Variants in ZEB1 observed in about 807,000 individuals in gnomAD.
The protein encoded by ZEB1 is zinc finger E-box binding homeobox 1.
A neutral mutation model predicts 84.9 loss-of-function variants in ZEB1; 21 were observed. The observed-to-expected ratio is 0.25, with a 90% CI of 0.18 to 0.36. The LOEUF (loss-of-function observed/expected upper bound fraction) is 0.36. ZEB1 is among the 10% of genes least tolerant of loss of function. The pLI is 1.00. For synonymous variants in ZEB1, 420 were observed against 471.1 expected (o/e 0.89, Z 1.41); for missense variants, 1,104 against 1,330.2 (o/e 0.83, Z 2.65).
At chr10:31,387,385 C>A in intron 1 of ZEB1, 1 of 834,206 alleles carries the variant, frequency 1.2e-6, no homozygotes, top group Non-Finnish European at 1.4e-6. Context: ...GGAGGCCCTA[C>A]CTGTGGGTAG....
intron 1 of ZEB1, among the ~76,000 whole-genome samples, chr10:31,452,596 T>G (rs2060693686): frequency 6.6e-6 from 1 of 152,158 alleles, no homozygotes; most frequent in South Asian, 2.1e-4. Context: ...TTGACTTGTT[T>G]CTTCACTGAG....
chr10:31,482,085 G>A (rs2065117378), intron 2 of ZEB1, among the ~76,000 whole-genome samples: 1 of 152,020 alleles, frequency 6.6e-6, no homozygotes, highest in Non-Finnish European at 1.5e-5. Context: ...CACAACTGGT[G>A]TGGAAAAATA....
chr10:31,452,492 C>G (rs1351181339), intron 1 of ZEB1, among the ~76,000 whole-genome samples: 1 of 152,006 alleles, frequency 6.6e-6, no homozygotes, highest in Non-Finnish European at 1.5e-5. Flanking sequence ...ACCACATGAC[C>G]TCTCCATTCC....
chr10:31,495,151 C>T (rs990075019), intron 2 of ZEB1, among the ~76,000 whole-genome samples: 1 of 151,948 alleles, frequency 6.6e-6, no homozygotes, highest in Admixed American at 6.6e-5. Context: ...AACGGCATGT[C>T]TTTGGGCAAG....
At chr10:31,448,030 C>T in intron 1 of ZEB1, among the ~76,000 whole-genome samples, 7 of 148,412 alleles carry the variant, frequency 4.7e-5, no homozygotes, top group African/African-American at 1.3e-4. Flanking sequence ...TTCCATTCTC[C>T]CCATCACTTT....
rs188000651 is a variant in ZEB1, at chr10:31,499,875, C to A, written c.323-2473C>A. ...AAGATTAAGATTATGTAGATCGAAT[C>A]TAATTTGTATGTTAAAAAAATCTTT... On this transcript the variant is annotated intron_variant, in intron 3 of 8. Transcript: ENST00000424869. Among the ~76,000 whole-genome samples, 7 of 151,996 alleles carry A rather than the reference C, an allele frequency of 4.6e-5. No individual in the cohort carries two copies. The East Asian group carries it at 1.4e-3, about 29-fold the overall frequency.
In ZEB1 at chr10:31,521,491, A is replaced by G. The variant is rs1437280030; in HGVS notation, c.2159A>G (p.Tyr720Cys). ...TCCTCATCCAGAAATACACAGGGTT[A>G]CTTGTACACAGCTGAGGGTGCACAA... ...NLSSSRNTQG[Y>C]LYTAEGAQEE... Residue 720 changes from tyrosine to cysteine, a missense_variant, in exon 7 of 9, where the codon TAC becomes TGC. Physicochemically the swap from Tyr to Cys is radical, Grantham distance 194. This residue lies in a region of ZEB1 where 531 missense variants were observed against 575.2 expected (regional missense o/e 0.92). Coordinates refer to ENST00000424869, the MANE Select transcript of ZEB1 (RefSeq NM_001174096.2). 7.4e-6 allele frequency: 12 copies of G among 1,614,136 alleles called. No individual in the cohort carries two copies. Among genetic ancestry groups the G allele is most frequent in the Non-Finnish European group, 1.0e-5 (12 of 1,180,020 alleles).
Position 31,349,165 on chromosome 10 carries a change from T to C in ZEB1, c.58+29873T>C, listed in dbSNP as rs544506573. 1.1e-4 allele frequency among the ~76,000 whole-genome samples: 17 copies of C among 152,334 alleles called. No homozygotes were observed. In the East Asian group the frequency reaches 1.9e-3, roughly 17 times the overall value. ...TAGATTCCACGTATAAGTGAGATCA[T>C]TGGCATTTCTCTTTCTGTGCCTTAG... On this transcript the variant is annotated intron_variant, in intron 1 of 8. Coordinates refer to ENST00000424869, the MANE Select transcript of ZEB1 (RefSeq NM_001174096.2).
At chr10:31,389,089 G>A (rs1490405879) in intron 1 of ZEB1, among the ~76,000 whole-genome samples, 1 of 152,008 alleles carries the variant, frequency 6.6e-6, no homozygotes, top group Non-Finnish European at 1.5e-5. Context: ...GATCAGTTTT[G>A]TAGGATGTAT....
chr10:31,514,677 T>C lies in ZEB1; in HGVS notation c.762T>C (p.His254=), dbSNP rs1233436369. 1 of 1,612,574 alleles carries C rather than the reference T, an allele frequency of 6.2e-7. No homozygotes were observed. Among genetic ancestry groups the C allele is most frequent in the Non-Finnish European group, 8.5e-7 (1 of 1,179,032 alleles). ...GTGGAAAAGCTTTCAAATACAAACA[T>C]CACCTAAAAGAGCACTTAAGAATTC... is the stretch of plus-strand genomic sequence containing the variant. ...TECGKAFKYK[H]HLKEHLRIHS... is the part of the protein sequence containing the mutation. The change falls in exon 6 of 9, where the codon CAT becomes CAC. Residue 254 remains histidine (H), a synonymous_variant. Coordinates refer to ENST00000424869, the MANE Select transcript of ZEB1 (RefSeq NM_001174096.2).
At chr10:31,347,094 G>A (rs996695162) in intron 1 of ZEB1, among the ~76,000 whole-genome samples, 1 of 152,066 alleles carries the variant, frequency 6.6e-6, no homozygotes, top group Non-Finnish European at 1.5e-5. Context: ...GTGGTGGGGA[G>A]GTGTTAGGAA....
intron 1 of ZEB1, among the ~76,000 whole-genome samples, chr10:31,458,336 T>TGTTGTG (rs1554882634): frequency 2.0e-5 from 2 of 102,264 alleles, no homozygotes; most frequent in African/African-American, 1.7e-4. Flanking sequence ...TGTGTGTGTG[T>TGTTGTG]TGTGTGTGTG....
chr10:31,343,857 T>C (rs1452425935), intron 1 of ZEB1, among the ~76,000 whole-genome samples: 2 of 152,124 alleles, frequency 1.3e-5, no homozygotes, highest in African/African-American at 2.4e-5. Context: ...TAAACTCAAA[T>C]GCCTGTCAAA....
At chr10:31,480,645 G>T (rs1211261039) in intron 2 of ZEB1, among the ~76,000 whole-genome samples, 1 of 152,002 alleles carries the variant, frequency 6.6e-6, no homozygotes, top group Non-Finnish European at 1.5e-5. Context: ...GTATTTCTGG[G>T]TATCTTGAGT....
rs1834636907 is a variant in ZEB1 at position 31,528,909 on chromosome 10, A to G, written c.*1645A>G. 6.6e-6 allele frequency: 1 copy of G among 152,220 alleles called. No homozygotes were observed. The highest frequency in any genetic ancestry group is 2.4e-5 in the African/African-American group (1 of 41,468). The allele number at this position is 152,220 out of a possible 1,614,324, so 9.4% of individuals were successfully genotyped here. A position where few individuals can be genotyped will look rare whatever the true frequency, so the allele number is the denominator to read the frequency against. On this transcript the variant is annotated 3_prime_UTR_variant, in exon 9 of 9. Transcript: ENST00000424869. Reference sequence around the variant, plus strand: ...ATTTTACCTTTACCCAGTTTTTAATATAAAACTTAAATTTTGAAATTCACT... The same window carrying G: ...ATTTTACCTTTACCCAGTTTTTAATGTAAAACTTAAATTTTGAAATTCACT...
At chr10:31,372,893 C>A (rs2134488241) in intron 1 of ZEB1, 1 of 582,430 alleles carries the variant, frequency 1.7e-6, no homozygotes, top group Non-Finnish European at 2.2e-6. Flanking sequence ...CATGTCTTCT[C>A]AAATATAATA....
At chr10:31,421,136 C>T (rs1485680047) in intron 1 of ZEB1, among the ~76,000 whole-genome samples, 1 of 152,094 alleles carries the variant, frequency 6.6e-6, no homozygotes, top group Non-Finnish European at 1.5e-5. Context: ...CTGATTTTAG[C>T]TCCAGCCACT....
At chr10:31,511,361 T>C (rs1283382177) in intron 5 of ZEB1, among the ~76,000 whole-genome samples, 2 of 152,186 alleles carry the variant, frequency 1.3e-5, no homozygotes, top group Admixed American at 1.3e-4. Flanking sequence ...GGGAGTTGCC[T>C]CCTCTAAAAA....
chr10:31,463,599 T>C (rs1437382128), intron 2 of ZEB1, among the ~76,000 whole-genome samples: 1 of 152,202 alleles, frequency 6.6e-6, no homozygotes, highest in African/African-American at 2.4e-5. Context: ...CCATTTTCCA[T>C]CTCTACCATC....
Sources: gnomAD v4.1 joint callset for allele counts (sites outside exome capture counted in the v4.1 genomes callset) on GRCh38, gnomAD v4.1.1 for gene constraint, gnomAD v4.1.1 regional missense constraint, MANE v1.5 for transcripts, NCBI Gene and HGNC (gene_info 2026-07-23, HGNC 2026-07-21) for gene names.